OPRD1: variants seen among roughly 807,000 people sequenced by gnomAD.
The protein encoded by OPRD1 is opioid receptor delta 1, also known as delta-type opioid receptor.
In OPRD1, 19 loss-of-function variants were observed where a neutral mutation model predicts 17.5. The observed-to-expected ratio is 1.09, with a 90% CI of 0.76 to 1.60. The LOEUF is 1.60. Ranked by LOEUF, OPRD1 falls within the 40% of genes most tolerant of loss-of-function variation. The pLI is 0.00. For missense variants in OPRD1, 483 were observed against 547.2 expected (o/e 0.88, Z 1.17); for synonymous variants, 256 against 240.9 (o/e 1.06, Z -0.58).
rs529147802 is a variant in OPRD1 at position 28,843,254 on chromosome 1, T to G, written c.228-15700T>G. The stretch of plus-strand genomic sequence containing the variant: ...AATAAACACAGCGACAGCTCTTGAT[T>G]ACCGCCTTTTTTATTGTGATAAAAT... On this transcript the variant is annotated intron_variant, in intron 1 of 2. Coordinates refer to ENST00000234961, the MANE Select transcript of OPRD1 (RefSeq NM_000911.4). Among the ~76,000 whole-genome samples the G allele has an allele frequency of 2.9e-4, 44 of 152,286 alleles. 1 individual carries two copies. The highest frequency in any genetic ancestry group is 1.5e-5 in the Non-Finnish European group (1 of 68,026).
At chr1:28,844,105 T>G (rs1229353393) in intron 1 of OPRD1, among the ~76,000 whole-genome samples, 2 of 152,042 alleles carry the variant, frequency 1.3e-5, no homozygotes, top group Non-Finnish European at 2.9e-5. Flanking sequence ...ATTTTACATT[T>G]CCAAAAACGG....
intron 1 of OPRD1, among the ~76,000 whole-genome samples, chr1:28,835,176 C>T (rs888180751): frequency 5.3e-5 from 8 of 152,142 alleles, no homozygotes; most frequent in Middle Eastern, 3.2e-3. Context: ...TGGGAGTCTG[C>T]GTTCTTGGGC....
Position 28,823,420 on chromosome 1 carries a change from G to A in OPRD1, c.227+10810G>A, listed in dbSNP as rs147660610. Among the ~76,000 whole-genome samples the A allele has an allele frequency of 3.3e-3, 340 of 103,988 alleles. 2 individuals carry two copies. Among genetic ancestry groups the A allele is most frequent in the African/African-American group, 0.012 (308 of 26,374 alleles). 68.2% of individuals were successfully genotyped at this position (103,988 alleles called of 152,430 possible). A position where few individuals can be genotyped will look rare whatever the true frequency, so the allele number is the denominator to read the frequency against. ...ATTTATTTATTTATTTATTTGAGAC[G>A]GAGTCTTGCTCTGTCACCCAGGCTG... On this transcript the variant is annotated intron_variant, in intron 1 of 2. Coordinates refer to ENST00000234961, the MANE Select transcript of OPRD1 (RefSeq NM_000911.4).
rs1367299673 is a variant in OPRD1, at chr1:28,863,401, C to A, written c.*118C>A. 1.7e-6 allele frequency: 2 copies of A among 1,167,668 alleles called. No homozygotes were observed. The highest frequency in any genetic ancestry group is 2.3e-6 in the Non-Finnish European group (2 of 884,808). 72.3% of individuals were successfully genotyped at this position (1,167,668 alleles called of 1,614,324 possible). A position where few individuals can be genotyped will look rare whatever the true frequency, so the allele number is the denominator to read the frequency against. ...CAGTAGAAGGTCGGAGGCTTGGGAC[C>A]GCCAGATGGGGCCTCTGTTTCGGAG... On this transcript the variant is annotated 3_prime_UTR_variant, in exon 3 of 3. Transcript: ENST00000234961.
rs1346367788 is a variant in OPRD1, at chr1:28,870,827, A to G, written c.*7544A>G. On this transcript the variant is annotated 3_prime_UTR_variant, in exon 3 of 3. Transcript: ENST00000234961. Reference sequence around the variant, plus strand: ...TGTGCCGGTGCAAATACACTCCTGTAACGGGGCTCATCTAGAATCTCCTCT... The same window carrying G: ...TGTGCCGGTGCAAATACACTCCTGTGACGGGGCTCATCTAGAATCTCCTCT... 6.6e-6 allele frequency: 1 copy of G among 152,240 alleles called. No homozygotes were observed. The highest frequency in any genetic ancestry group is 1.5e-5 in the Non-Finnish European group (1 of 68,062). 9.4% of individuals were successfully genotyped at this position (152,240 alleles called of 1,614,324 possible).
chr1:28,845,292 T>G (rs920622501), intron 1 of OPRD1, among the ~76,000 whole-genome samples: 4 of 151,794 alleles, frequency 2.6e-5, no homozygotes, highest in African/African-American at 9.7e-5. Context: ...AAGACTAGCC[T>G]GGTAAACATA....
chr1:28,822,181 C>G (rs2088720564), intron 1 of OPRD1, among the ~76,000 whole-genome samples: 1 of 151,996 alleles, frequency 6.6e-6, no homozygotes, highest in Admixed American at 6.6e-5. Context: ...TACCTCCTGA[C>G]CTCGTGATCC....
chr1:28,823,885 A>C (rs1252636547), intron 1 of OPRD1, among the ~76,000 whole-genome samples: 2 of 149,892 alleles, frequency 1.3e-5, no homozygotes, highest in Non-Finnish European at 3.0e-5. Context: ...AGGTCAAAAA[A>C]ACCCCATTCA....
chr1:28,812,988 G>A (rs115735968), intron 1 of OPRD1, among the ~76,000 whole-genome samples: 2,563 of 152,278 alleles, frequency 0.017, 64 homozygotes, highest in African/African-American at 0.057. Context: ...CCCATGGGGT[G>A]GGCAGAGCTG....
intron 2 of OPRD1, among the ~76,000 whole-genome samples, chr1:28,861,565 C>G (rs1417165283): frequency 6.6e-6 from 1 of 152,118 alleles, no homozygotes; most frequent in South Asian, 2.1e-4. Flanking sequence ...CCACCTCAGC[C>G]CCCCAAGTAG....
intron 1 of OPRD1, among the ~76,000 whole-genome samples, chr1:28,818,409 T>C (rs1004953263): frequency 1.3e-5 from 2 of 152,106 alleles, no homozygotes; most frequent in African/African-American, 4.8e-5. Context: ...TGCAGCTCCC[T>C]GGAACTATGG....
chr1:28,832,491 C>T (rs935705161), intron 1 of OPRD1, among the ~76,000 whole-genome samples: 10 of 152,056 alleles, frequency 6.6e-5, no homozygotes, highest in South Asian at 2.1e-4. Flanking sequence ...GTGGCACACA[C>T]CTGTAGTCCC....
rs1009888292 is a variant in OPRD1 at position 28,870,256 on chromosome 1, CT to C, written c.*6986del. ...TCTTTTTTTTTTTCTTTCTTTCTTT[CT>C]TTTTTTTTTTTTAAGACAGAGTCTC... On this transcript the variant is annotated 3_prime_UTR_variant, in exon 3 of 3. Transcript: ENST00000234961. The C allele has an allele frequency of 2.5e-3, 343 of 134,880 alleles. No individual in the cohort carries two copies. Among genetic ancestry groups the C allele is most frequent in the Non-Finnish European group, 2.5e-3 (153 of 61,886 alleles). 8.4% of individuals were successfully genotyped at this position (134,880 alleles called of 1,614,324 possible).
At position 28,862,002 on chromosome 1, in the gene OPRD1, C is replaced by T. The variant is rs939283945; in HGVS notation, c.578-740C>T. Among the ~76,000 whole-genome samples, 5 of 151,702 alleles carry T rather than the reference C, an allele frequency of 3.3e-5. No individual in the cohort carries two copies. In the East Asian group the frequency reaches 5.8e-4, roughly 18 times the overall value. On this transcript the variant is annotated intron_variant, in intron 2 of 2. Coordinates refer to ENST00000234961, the MANE Select transcript of OPRD1 (RefSeq NM_000911.4). ...TCTCGGCTCACTGCAAACTCCACCT[C>T]CTGGGTTCACACCATTCTCCTGCCT...
At chr1:28,834,299 G>A (rs2088831774) in intron 1 of OPRD1, among the ~76,000 whole-genome samples, 1 of 151,838 alleles carries the variant, frequency 6.6e-6, no homozygotes, top group Admixed American at 6.6e-5. Flanking sequence ...GGCAGGAACT[G>A]TGTCACATTC....
intron 1 of OPRD1, among the ~76,000 whole-genome samples, chr1:28,816,413 G>T (rs1325734307): frequency 6.6e-6 from 1 of 152,168 alleles, no homozygotes; most frequent in Non-Finnish European, 1.5e-5. Flanking sequence ...AGGAGCTGTG[G>T]CTGGGAAGCA....
At chr1:28,830,359 C>A (rs549476369) in intron 1 of OPRD1, among the ~76,000 whole-genome samples, 3 of 151,596 alleles carry the variant, frequency 2.0e-5, no homozygotes, top group Non-Finnish European at 4.4e-5. Context: ...TCCATCTCTA[C>A]AAAATGAAAA....
chr1:28,826,487 G>A (rs2088769393), intron 1 of OPRD1, among the ~76,000 whole-genome samples: 1 of 152,014 alleles, frequency 6.6e-6, no homozygotes, highest in East Asian at 1.9e-4. Context: ...CTGCAGTGCA[G>A]CCTGGGTGAG....
chr1:28,862,770 C>A lies in OPRD1; in HGVS notation c.606C>A (p.Phe202Leu). ...GGGCAGTGGTGTGCATGCTCCAGTT[C>A]CCCAGCCCCAGCTGGTACTGGGACA... ...RDGAVVCMLQ[F>L]PSPSWYWDTV... The change falls in exon 3 of 3, where the codon TTC becomes TTA. Residue 202 changes from phenylalanine to leucine, a missense_variant. Physicochemically the swap from Phe to Leu is conservative, Grantham distance 22. Coordinates refer to ENST00000234961, the MANE Select transcript of OPRD1 (RefSeq NM_000911.4). The A allele has an allele frequency of 6.2e-7, 1 of 1,611,936 alleles. No individual in the cohort carries two copies. Among genetic ancestry groups the A allele is most frequent in the Non-Finnish European group, 8.5e-7 (1 of 1,178,972 alleles).
Sources: gnomAD v4.1 joint callset for allele counts (sites outside exome capture counted in the v4.1 genomes callset) on GRCh38, gnomAD v4.1.1 for gene constraint, MANE v1.5 for transcripts, NCBI Gene and HGNC (gene_info 2026-07-23, HGNC 2026-07-21) for gene names.